IGSF10: variants seen among roughly 807,000 people sequenced by gnomAD.
The protein encoded by IGSF10 is immunoglobulin superfamily member 10, also known as calvaria mechanical force protein 608.
IGSF10 carries 126 observed loss-of-function variants against 128.2 expected under a neutral mutation model. The observed-to-expected ratio is 0.98, with a 90% confidence interval of 0.85 to 1.14. The LOEUF (loss-of-function observed/expected upper bound fraction) is 1.14, where lower values mean the gene tolerates loss of function less well. Among genes scored for constraint, IGSF10 ranks in the 50% most tolerant of loss-of-function variants. The pLI is 0.00. For synonymous variants in IGSF10, 1,185 were observed against 1,146.2 expected (o/e 1.03, Z -0.68); for missense variants, 3,295 against 3,149.8 (o/e 1.05, Z -1.10).
chr3:151,585,029 T>C, the IGSF10 span, among the ~76,000 whole-genome samples: 2 of 152,208 alleles, frequency 1.3e-5, no homozygotes, highest in African/African-American at 4.8e-5. Context: ...TTTTAATGAT[T>C]ACTGTAAAGA....
the IGSF10 span, among the ~76,000 whole-genome samples, chr3:151,481,543 A>T: frequency 6.6e-6 from 1 of 151,970 alleles, no homozygotes; most frequent in Non-Finnish European, 1.5e-5. Flanking sequence ...ATATCTCAGG[A>T]CTCTGGATAA....
At chr3:151,614,499 T>C in the IGSF10 span, among the ~76,000 whole-genome samples, 1 of 152,132 alleles carries the variant, frequency 6.6e-6, no homozygotes, top group Admixed American at 6.5e-5. Context: ...CCATAAAATA[T>C]GATGAGTTCA....
At chr3:151,539,833 CATCT>C in the IGSF10 span, among the ~76,000 whole-genome samples, 10 of 151,522 alleles carry the variant, frequency 6.6e-5, no homozygotes, top group East Asian at 9.7e-4. Context: ...CTGTATCTAT[CATCT>C]ATCTATCTGT....
In IGSF10 at chr3:151,447,132, G is replaced by T. The variant is rs1168735643; in HGVS notation, c.2849C>A (p.Thr950Asn). Residue 950 changes from threonine to asparagine, a missense_variant, in exon 6 of 8, where the codon ACC becomes AAC. Thr to Asn is a moderately conservative substitution (Grantham distance 65). Transcript: ENST00000282466. ...TNKLLLESVN[T>N]TNSHQTSVRE... The stretch of plus-strand genomic sequence containing the variant: ...TACAGATGTCTGATGACTATTTGTG[G>T]TATTTACTGACTCTAATAATAGTTT... The T allele has an allele frequency of 6.2e-7, 1 of 1,614,126 alleles. No individual in the cohort carries two copies. Among genetic ancestry groups the T allele is most frequent in the Admixed American group, 1.7e-5 (1 of 60,022 alleles).
chr3:151,483,677 T>TG, the IGSF10 span, among the ~76,000 whole-genome samples: 1 of 152,014 alleles, frequency 6.6e-6, no homozygotes, highest in African/African-American at 2.4e-5. Flanking sequence ...TGAAGCAGGG[T>TG]GGGGCATTGC....
chr3:151,505,525 G>T, the IGSF10 span, among the ~76,000 whole-genome samples: 338 of 152,202 alleles, frequency 2.2e-3, 1 homozygote, highest in Middle Eastern at 0.01. Context: ...AAAATTATCA[G>T]GTGAAAAGGG....
intron 7 of IGSF10, among the ~76,000 whole-genome samples, chr3:151,442,526 C>T (rs1350319068): frequency 6.7e-6 from 1 of 150,234 alleles, no homozygotes; most frequent in African/African-American, 2.5e-5. Context: ...ATTACAGGCG[C>T]CCGGCCACCA....
the IGSF10 span, among the ~76,000 whole-genome samples, chr3:151,563,054 G>A: frequency 2.6e-5 from 4 of 152,094 alleles, no homozygotes; most frequent in Admixed American, 2.6e-4. Context: ...TAGAGAAGGA[G>A]TGAATCTCTG....
At chr3:151,578,838 T>C in the IGSF10 span, among the ~76,000 whole-genome samples, 1 of 152,172 alleles carries the variant, frequency 6.6e-6, no homozygotes, top group Non-Finnish European at 1.5e-5. Context: ...ATTAGCAGTT[T>C]ACTACTGCTG....
At chr3:151,438,690 T>C in intron 7 of IGSF10, 93 bp from the exon 8 acceptor site, 1 of 864,536 alleles carries the variant, frequency 1.2e-6, no homozygotes, top group Non-Finnish European at 1.8e-6. Flanking sequence ...CCAGCTTTAT[T>C]GAAGCATGAC....
chr3:151,480,254 C>A, the IGSF10 span, among the ~76,000 whole-genome samples: 1 of 152,126 alleles, frequency 6.6e-6, no homozygotes, highest in African/African-American at 2.4e-5. Flanking sequence ...CACAGAAATC[C>A]AGGATGCTGC....
chr3:151,464,905 A>G (rs1202766837), upstream of IGSF10, among the ~76,000 whole-genome samples: 1 of 152,196 alleles, frequency 6.6e-6, no homozygotes, highest in East Asian at 1.9e-4. Context: ...CTAAAGTCAA[A>G]CTACATGACT....
At chr3:151,469,355 G>A in the IGSF10 span, among the ~76,000 whole-genome samples, 1 of 152,032 alleles carries the variant, frequency 6.6e-6, no homozygotes, top group Non-Finnish European at 1.5e-5. Context: ...TCTGTGGTGG[G>A]GGTTTCAAAT....
the IGSF10 span, among the ~76,000 whole-genome samples, chr3:151,537,993 G>A: frequency 7.7e-4 from 117 of 152,248 alleles, 1 homozygote; most frequent in Non-Finnish European, 2.5e-4. Flanking sequence ...GAGCCCTCCT[G>A]CTTCCTCAGT....
At chr3:151,543,735 G>T in the IGSF10 span, among the ~76,000 whole-genome samples, 1 of 152,206 alleles carries the variant, frequency 6.6e-6, no homozygotes, top group Admixed American at 6.5e-5. Flanking sequence ...ACAAGTGGAG[G>T]TGTGCGTCTG....
chr3:151,551,989 A>G, the IGSF10 span, among the ~76,000 whole-genome samples: 100 of 152,242 alleles, frequency 6.6e-4, no homozygotes, highest in Non-Finnish European at 1.2e-3. Flanking sequence ...GTTTGGCTCT[A>G]TGTCCCCATC....
chr3:151,596,472 GT>G, the IGSF10 span, among the ~76,000 whole-genome samples: 1 of 85,640 alleles, frequency 1.2e-5, no homozygotes, highest in African/African-American at 5.2e-5. Flanking sequence ...AGATATTATG[GT>G]GTTTATGTGT....
At chr3:151,548,057 G>T in the IGSF10 span, among the ~76,000 whole-genome samples, 1 of 152,096 alleles carries the variant, frequency 6.6e-6, no homozygotes, top group Non-Finnish European at 1.5e-5. Context: ...CCTTCCCTTT[G>T]AATCTGCATG....
the IGSF10 span, among the ~76,000 whole-genome samples, chr3:151,528,798 GA>G: frequency 5.3e-5 from 4 of 75,236 alleles, no homozygotes; most frequent in African/African-American, 2.2e-4. Flanking sequence ...CTAGCTGCAG[GA>G]GTTTTTTTTT....
Sources: allele counts gnomAD v4.1 joint callset (sites outside exome capture counted in the v4.1 genomes callset), GRCh38; gene constraint gnomAD v4.1.1; transcripts MANE v1.5; gene names NCBI Gene and HGNC (gene_info 2026-07-23, HGNC 2026-07-21).